KDSR: variants seen among roughly 807,000 people sequenced by gnomAD.
The protein encoded by KDSR is 3-dehydrosphinganine reductase.
A neutral mutation model predicts 41.3 loss-of-function variants in KDSR; 23 were observed. The ratio of observed to expected loss-of-function variants is 0.56; its 90% CI spans 0.40 to 0.79. KDSR has a LOEUF of 0.79. Ranked by LOEUF, KDSR falls within the 30% of genes least tolerant of loss-of-function variation. The pLI, the probability that KDSR is intolerant of heterozygous loss-of-function variation, is 0.00. For missense variants in KDSR, 351 were observed against 416.8 expected, an observed-to-expected ratio of 0.84 and a Z score of 1.37; for synonymous variants, 138 against 151.7, an observed-to-expected ratio of 0.91 and a Z score of 0.66.
intron 7 of KDSR, among the ~76,000 whole-genome samples, chr18:63,341,149 T>C (rs1188889585): frequency 6.6e-6 from 1 of 151,010 alleles, no homozygotes; most frequent in East Asian, 1.9e-4. Context: ...CAACAGACAT[T>C]TCAGGAAGCC....
intron 2 of KDSR, among the ~76,000 whole-genome samples, chr18:63,361,071 T>TACAC (rs552737796): frequency 6.7e-5 from 7 of 105,038 alleles, no homozygotes; most frequent in Admixed American, 3.1e-4. Context: ...TAAATATATA[T>TACAC]ACACACACAC....
At chr18:63,351,681 G>T (rs981598944) in intron 5 of KDSR, among the ~76,000 whole-genome samples, 5 of 152,190 alleles carry the variant, frequency 3.3e-5, no homozygotes, top group Admixed American at 1.3e-4. Context: ...TGGACCTCAA[G>T]AACCACTGGC....
rs1568273639 is a variant in KDSR at position 63,331,288 on chromosome 18, GAGAGACAGAGAGAC to G, written c.*480_*493del. The stretch of plus-strand genomic sequence containing the variant: ...AGAAAGAGAGAGAGAGAGAGAGACA[GAGAGACAGAGAGAC>G]AGAGAGACAGAGAGACAGAGAGACA... On this transcript the variant is annotated 3_prime_UTR_variant, in exon 10 of 10. Coordinates refer to ENST00000645214, the MANE Select transcript of KDSR (RefSeq NM_002035.4). 44 of 185,786 alleles carry G rather than the reference GAGAGACAGAGAGAC, an allele frequency of 2.4e-4. No individual in the cohort carries two copies. Among genetic ancestry groups the G allele is most frequent in the African/African-American group, 9.5e-4 (36 of 38,076 alleles). 11.5% of individuals were successfully genotyped at this position (185,786 alleles called of 1,614,324 possible).
chr18:63,334,359 T>G (rs907165711), intron 9 of KDSR, among the ~76,000 whole-genome samples: 5 of 151,956 alleles, frequency 3.3e-5, no homozygotes, highest in African/African-American at 1.2e-4. Flanking sequence ...TATCTTTTTT[T>G]TTTTTTTTGA....
intron 5 of KDSR, 42 bp downstream of exon 5, chr18:63,355,162 T>C (rs771588288): frequency 7.6e-7 from 1 of 1,309,808 alleles, no homozygotes; most frequent in South Asian, 1.2e-5. Context: ...TGCTCTGCTT[T>C]TAGCATATGT....
Position 63,331,601 on chromosome 18 carries a change from T to C in KDSR, c.*181A>G, listed in dbSNP as rs1325034382. 1.8e-6 allele frequency: 1 copy of C among 550,688 alleles called. No individual in the cohort carries two copies. The highest frequency in any genetic ancestry group is 3.2e-5 in the Admixed American group (1 of 31,158). 34.1% of individuals were successfully genotyped at this position (550,688 alleles called of 1,614,324 possible). ...CTATTCCATATTTGCATAGTATTAATAATACTGTCAGGAGGTGAACTTCTA... is the reference window on the plus strand; with the variant it reads ...CTATTCCATATTTGCATAGTATTAACAATACTGTCAGGAGGTGAACTTCTA... On this transcript the variant is annotated 3_prime_UTR_variant, in exon 10 of 10. Transcript: ENST00000645214.
At chr18:63,362,298 G>A (rs576099456) in intron 2 of KDSR, among the ~76,000 whole-genome samples, 1 of 152,314 alleles carries the variant, frequency 6.6e-6, no homozygotes, top group East Asian at 1.9e-4. Flanking sequence ...AACACATTTT[G>A]CTAAACTTCT....
At chr18:63,348,073 G>A (rs940876975) in intron 6 of KDSR, among the ~76,000 whole-genome samples, 2 of 151,990 alleles carry the variant, frequency 1.3e-5, no homozygotes, top group African/African-American at 2.4e-5. Flanking sequence ...GATCACCTGA[G>A]TCCAGGAGAT....
At chr18:63,332,037 A>G (rs1186500285) in intron 9 of KDSR, 136 bp from the exon 10 acceptor site, 1 of 888,622 alleles carries the variant, frequency 1.1e-6, no homozygotes, top group Non-Finnish European at 1.7e-6. Flanking sequence ...AACTCTGTAA[A>G]TGTCAGTAAG....
intron 9 of KDSR, 41 bp from the exon 10 acceptor site, chr18:63,331,942 C>T (rs376723499): frequency 3.1e-6 from 5 of 1,601,504 alleles, no homozygotes; most frequent in Non-Finnish European, 3.4e-6. Flanking sequence ...TCCAACGGTA[C>T]AAGACTATTT....
At chr18:63,348,253 G>A (rs1914570115) in intron 6 of KDSR, among the ~76,000 whole-genome samples, 1 of 151,610 alleles carries the variant, frequency 6.6e-6, no homozygotes, top group African/African-American at 2.4e-5. Flanking sequence ...AGGCTACAGT[G>A]AGCCAAGATC....
chr18:63,362,434 A>T (rs1180697242), intron 2 of KDSR, among the ~76,000 whole-genome samples: 1 of 152,212 alleles, frequency 6.6e-6, no homozygotes, highest in African/African-American at 2.4e-5. Context: ...CTCCAGAATC[A>T]CTGCTTCCAG....
rs1272861165 is a variant in KDSR at position 63,362,674 on chromosome 18, G to A, written c.198+105C>T. 5 of 726,390 alleles carry A rather than the reference G, an allele frequency of 6.9e-6. No individual in the cohort carries two copies. In the African/African-American group the frequency reaches 7.2e-5, roughly 10 times the overall value. The allele number at this position is 726,390 out of a possible 1,614,324, so 45.0% of individuals were successfully genotyped here. A position where few individuals can be genotyped will look rare whatever the true frequency, so the allele number is the denominator to read the frequency against. ...TTCAGGAAACACATCTCACATCAAG[G>A]AAGAAGCGCTTTCTAGGTGTGAATG... is the stretch of plus-strand genomic sequence containing the variant. On this transcript the variant is annotated intron_variant, in intron 2 of 9. Coordinates refer to ENST00000645214, the MANE Select transcript of KDSR (RefSeq NM_002035.4).
At chr18:63,340,750 A>G (rs1473294250) in intron 7 of KDSR, among the ~76,000 whole-genome samples, 1 of 152,258 alleles carries the variant, frequency 6.6e-6, no homozygotes, top group East Asian at 1.9e-4. Context: ...TCAGACCCCA[A>G]GTCATCTCCT....
chr18:63,344,366 C>T (rs1411625993), intron 7 of KDSR, 44 bp downstream of exon 7: 2 of 1,293,140 alleles, frequency 1.5e-6, no homozygotes, highest in Middle Eastern at 3.7e-4. Flanking sequence ...ATCAGAAAAG[C>T]AGTAAACATT....
At chr18:63,362,639 G>C in intron 2 of KDSR, 140 bp downstream of exon 2, 1 of 608,318 alleles carries the variant, frequency 1.6e-6, no homozygotes, top group South Asian at 2.2e-5. Context: ...ATACTAGAGA[G>C]AATCAGTAGT....
chr18:63,361,389 A>G (rs1337429593), intron 2 of KDSR, among the ~76,000 whole-genome samples: 3 of 151,992 alleles, frequency 2.0e-5, no homozygotes, highest in Non-Finnish European at 2.9e-5. Context: ...TAAAACTCAC[A>G]AAATGCCATT....
chr18:63,357,878 A>G (rs1007872886), intron 3 of KDSR, among the ~76,000 whole-genome samples: 2 of 152,068 alleles, frequency 1.3e-5, no homozygotes, highest in Admixed American at 6.6e-5. Flanking sequence ...CACCTGGCCT[A>G]AAGAATAATA....
chr18:63,336,915 C>G (rs1914175670), intron 8 of KDSR, among the ~76,000 whole-genome samples: 1 of 152,022 alleles, frequency 6.6e-6, no homozygotes, highest in African/African-American at 2.4e-5. Flanking sequence ...ATTATTACAA[C>G]AGATGGAATG....
Sources: gnomAD v4.1 joint callset for allele counts (sites outside exome capture counted in the v4.1 genomes callset) on GRCh38, gnomAD v4.1.1 for gene constraint, MANE v1.5 for transcripts, NCBI Gene and HGNC (gene_info 2026-07-23, HGNC 2026-07-21) for gene names.